The following SOBP variants were observed in gnomAD, a reference collection of about 807,000 sequenced individuals.
SOBP encodes the protein sine oculis binding protein homolog, also known as sine oculis-binding protein homolog.
Under a neutral mutation model 53.6 loss-of-function variants are expected in SOBP, and 4 were observed. That is an observed-to-expected ratio of 0.07 (90% CI 0.04 to 0.17). The LOEUF (loss-of-function observed/expected upper bound fraction) is 0.17. Ranked by LOEUF, SOBP falls within the 10% of genes least tolerant of loss-of-function variation. The pLI, the probability that SOBP is intolerant of heterozygous loss-of-function variation, is 1.00. For synonymous variants in SOBP, 584 were observed against 522.6 expected, an observed-to-expected ratio of 1.12 and a Z score of -1.60; for missense variants, 1,088 against 1,204.7, an observed-to-expected ratio of 0.90 and a Z score of 1.43.
At chr6:107,553,113 T>G (rs1251063310) in intron 4 of SOBP, among the ~76,000 whole-genome samples, 2 of 151,516 alleles carry the variant, frequency 1.3e-5, no homozygotes, top group Non-Finnish European at 2.9e-5. Context: ...AAATAAATAA[T>G]AAAAAAGAAA....
At chr6:107,605,004 C>G (rs1225623563) in intron 5 of SOBP, among the ~76,000 whole-genome samples, 1 of 152,166 alleles carries the variant, frequency 6.6e-6, no homozygotes, top group East Asian at 1.9e-4. Context: ...GCCTCACTTC[C>G]CTTCAGGTCC....
Position 107,633,715 on chromosome 6 carries a change from G to A in SOBP, c.871G>A (p.Gly291Arg), listed in dbSNP as rs977216080. 1.9e-6 allele frequency: 3 copies of A among 1,614,198 alleles called. No individual in the cohort carries two copies. Among genetic ancestry groups the A allele is most frequent in the African/African-American group, 1.3e-5 (1 of 75,032 alleles). The change falls in exon 6 of 7, where the codon GGG becomes AGG. Residue 291 changes from glycine (G) to arginine (R), a missense_variant. Around this residue, in one of 6 missense-constraint regions of SOBP, gnomAD observed 211 missense variants for 258.9 expected, o/e 0.82. Coordinates refer to ENST00000317357, the MANE Select transcript of SOBP (RefSeq NM_018013.4). ...CATGGAAAATAAAGCAGAAGGCACCGGGGTGCAGCTGCTCACTCCAGACTC... is the reference window on the plus strand; with the variant it reads ...CATGGAAAATAAAGCAGAAGGCACCAGGGTGCAGCTGCTCACTCCAGACTC... ...PPMENKAEGT[G>R]VQLLTPDSWN...
chr6:107,571,948 G>A (rs552778620), intron 4 of SOBP, among the ~76,000 whole-genome samples: 5 of 152,306 alleles, frequency 3.3e-5, no homozygotes, highest in East Asian at 1.9e-4. Context: ...GGCAAGGGAC[G>A]AGGAGAAATA....
intron 3 of SOBP, chr6:107,515,072 C>G (rs970908538): frequency 1.3e-5 from 2 of 152,144 alleles, no homozygotes; most frequent in African/African-American, 4.8e-5. Flanking sequence ...GTTATTAGAA[C>G]TAATCATTTT....
Position 107,634,343 on chromosome 6 carries a change from C to T in SOBP, c.1499C>T (p.Pro500Leu). Residue 500 changes from proline to leucine, a missense_variant, in exon 6 of 7, where the codon CCG becomes CTG. By Grantham distance (98) the Pro-to-Leu change is moderately conservative. This residue lies in a region of SOBP where 665 missense variants were observed against 629.7 expected (regional missense o/e 1.06). Transcript: ENST00000317357. The surrounding 1 kb of genome is among the most constrained non-coding windows in gnomAD (Gnocchi z 4.5). ...CCAGTGAGCATGATGCCAAATGGCC[C>T]GATGCCGGTGCCCCAGATGATGAAT... is the stretch of plus-strand genomic sequence containing the variant. ...FPPVSMMPNGPMPVPQMMNFG... is the reference protein window; with the variant it reads ...FPPVSMMPNGLMPVPQMMNFG... The T allele has an allele frequency of 6.3e-7, 1 of 1,588,946 alleles. No homozygotes were observed.
At chr6:107,614,139 C>T (rs539526350) in intron 5 of SOBP, among the ~76,000 whole-genome samples, 26 of 152,294 alleles carry the variant, frequency 1.7e-4, no homozygotes, top group African/African-American at 5.1e-4. Context: ...CAGTGGCTCA[C>T]GCCTAAAATC....
chr6:107,616,103 C>T (rs922833625), intron 5 of SOBP, among the ~76,000 whole-genome samples: 3 of 107,348 alleles, frequency 2.8e-5, no homozygotes, highest in Non-Finnish European at 5.6e-5. Context: ...GGCGGGGGGG[C>T]GGCTTCAGCC....
chr6:107,501,652 A>T (rs1338660517), intron 1 of SOBP, among the ~76,000 whole-genome samples: 3 of 152,092 alleles, frequency 2.0e-5, no homozygotes, highest in Admixed American at 1.3e-4. Context: ...GAGACCACTG[A>T]TAGAGGACCT....
Position 107,634,155 on chromosome 6 carries a change from G to C in SOBP, c.1311G>C (p.Pro437=), listed in dbSNP as rs745575165. ...CCATGCTTCCCGGCATCGGGCCCCC[G>C]CCCGGTGGCCCCAGAAACCTGGGCC... ...SNPMLPGIGP[P]PGGPRNLGPT... is the part of the protein sequence containing the mutation. Residue 437 remains proline (P), a synonymous_variant, in exon 6 of 7, where the codon CCG becomes CCC. Transcript: ENST00000317357. This position sits in a 1 kb window ranked among gnomAD's most constrained non-coding sequence, Gnocchi z 4.5. The C allele has an allele frequency of 1.9e-6, 3 of 1,607,954 alleles. No individual in the cohort carries two copies. The highest frequency in any genetic ancestry group is 1.7e-6 in the Non-Finnish European group (2 of 1,178,456).
intron 4 of SOBP, among the ~76,000 whole-genome samples, chr6:107,540,155 A>G (rs1343663863): frequency 6.6e-6 from 1 of 152,240 alleles, no homozygotes; most frequent in Non-Finnish European, 1.5e-5. Flanking sequence ...TTAAGTCCTG[A>G]ATTTTTCTTG....
chr6:107,573,320 G>T (rs1414350722), intron 4 of SOBP, among the ~76,000 whole-genome samples: 3 of 151,918 alleles, frequency 2.0e-5, no homozygotes, highest in African/African-American at 7.3e-5. Flanking sequence ...GATAAGAAAA[G>T]ATAGTGAGTC....
intron 1 of SOBP, among the ~76,000 whole-genome samples, chr6:107,497,028 C>T (rs148070304): frequency 1.2e-3 from 186 of 152,310 alleles, no homozygotes; most frequent in African/African-American, 4.3e-3. Flanking sequence ...TCCTGCTTCA[C>T]TCTGGAACTT....
chr6:107,600,339 G>A (rs1457078564), intron 5 of SOBP, among the ~76,000 whole-genome samples: 1 of 152,200 alleles, frequency 6.6e-6, no homozygotes, highest in Non-Finnish European at 1.5e-5. Flanking sequence ...CAGGGCCCAT[G>A]ATGTGAATGT....
At chr6:107,637,761 C>T (rs979224356) in intron 6 of SOBP, among the ~76,000 whole-genome samples, 1 of 152,170 alleles carries the variant, frequency 6.6e-6, no homozygotes, top group Non-Finnish European at 1.5e-5. Context: ...AGAATAGTGA[C>T]ACTAACATAT....
In SOBP at chr6:107,498,591, A is replaced by G. The variant is rs530523219; in HGVS notation, c.97-5066A>G. On this transcript the variant is annotated intron_variant, in intron 1 of 6. Transcript: ENST00000317357. ...TCATTCACAGCTCCTCAGAAAGAAA[A>G]AAAAAATCATGTAGGTTGAACTTTG... 1.1e-4 allele frequency among the ~76,000 whole-genome samples: 16 copies of G among 152,372 alleles called. 1 individual carries two copies. The highest frequency in any genetic ancestry group is 3.6e-4 in the African/African-American group (15 of 41,582).
intron 4 of SOBP, among the ~76,000 whole-genome samples, chr6:107,586,192 ATATGTGAGGGAGACAGCTCAGCTG>A (rs1230949741): frequency 6.6e-6 from 1 of 152,216 alleles, no homozygotes; most frequent in African/African-American, 2.4e-5. Flanking sequence ...TATGCAAGCC[ATATGTGAGGGAGACAGCTCAGCTG>A]TGAATTTCAG....
At chr6:107,591,927 A>C (rs1462597918) in intron 5 of SOBP, among the ~76,000 whole-genome samples, 2 of 147,514 alleles carry the variant, frequency 1.4e-5, no homozygotes, top group Admixed American at 6.7e-5. Flanking sequence ...ACTGTTCTGA[A>C]GTATGTATGC....
chr6:107,618,787 G>A (rs774014402), intron 5 of SOBP, among the ~76,000 whole-genome samples: 5 of 152,156 alleles, frequency 3.3e-5, no homozygotes, highest in Admixed American at 6.5e-5. Flanking sequence ...AATGCTCTTG[G>A]GTGAAGCCTC....
At chr6:107,493,534 G>C (rs954526005) in intron 1 of SOBP, among the ~76,000 whole-genome samples, 2 of 152,172 alleles carry the variant, frequency 1.3e-5, no homozygotes, top group Non-Finnish European at 2.9e-5. Context: ...ATTTTATCGT[G>C]GTGTACAGTG....
Sources: gnomAD v4.1 joint callset for allele counts (sites outside exome capture counted in the v4.1 genomes callset) on GRCh38, gnomAD v4.1.1 for gene constraint, gnomAD v4.1.1 regional missense constraint, Gnocchi (gnomAD v3.1) non-coding constraint, MANE v1.5 for transcripts, NCBI Gene and HGNC (gene_info 2026-07-23, HGNC 2026-07-21) for gene names.